ETF1: variants seen among roughly 807,000 people sequenced by gnomAD.
ETF1 encodes the protein eukaryotic translation termination factor 1.
ETF1 carries 4 observed loss-of-function variants against 55.1 expected under a neutral mutation model. The ratio of observed to expected loss-of-function variants is 0.07; its 90% CI spans 0.04 to 0.17. The LOEUF is 0.17. Ranked by LOEUF, ETF1 falls within the 10% of genes least tolerant of loss-of-function variation. The pLI is 1.00. For missense variants in ETF1, 142 were observed against 523.6 expected, an observed-to-expected ratio of 0.27 and a Z score of 7.11; for synonymous variants, 157 against 182.3, an observed-to-expected ratio of 0.86 and a Z score of 1.12.
intron 4 of ETF1, among the ~76,000 whole-genome samples, chr5:138,516,458 A>T (rs960736585): frequency 6.6e-5 from 10 of 152,140 alleles, no homozygotes; most frequent in Non-Finnish European, 1.2e-4. Context: ...CCAACATGGC[A>T]AAACTCTGTC....
chr5:138,540,365 C>T (rs1289064138), intron 2 of ETF1, among the ~76,000 whole-genome samples: 1 of 152,158 alleles, frequency 6.6e-6, no homozygotes, highest in Non-Finnish European at 1.5e-5. Context: ...TCAGCAAATA[C>T]AGATTCATTT....
chr5:138,522,669 C>T (rs967188275), intron 2 of ETF1, among the ~76,000 whole-genome samples: 2 of 151,986 alleles, frequency 1.3e-5, no homozygotes, highest in African/African-American at 4.8e-5. Flanking sequence ...CATTCATATG[C>T]TAAAAACTAT....
chr5:138,517,925 G>A (rs759037886), intron 3 of ETF1: 29 of 982,372 alleles, frequency 3.0e-5, no homozygotes, highest in Admixed American at 6.1e-5. Flanking sequence ...CAGGCTGGAC[G>A]TGGTGGTGGC....
intron 4 of ETF1, among the ~76,000 whole-genome samples, chr5:138,515,377 A>G (rs1764976208): frequency 6.6e-6 from 1 of 152,246 alleles, no homozygotes; most frequent in African/African-American, 2.4e-5. Flanking sequence ...AGGAGCCGAG[A>G]TCGTGCCATT....
At chr5:138,524,055 T>C (rs958167470) in intron 2 of ETF1, among the ~76,000 whole-genome samples, 3 of 152,026 alleles carry the variant, frequency 2.0e-5, no homozygotes, top group Non-Finnish European at 4.4e-5. Context: ...GCGTGGTGGC[T>C]CATGCCTGTA....
chr5:138,533,556 C>T (rs1414514392), intron 2 of ETF1, among the ~76,000 whole-genome samples: 8 of 152,016 alleles, frequency 5.3e-5, no homozygotes, highest in Non-Finnish European at 4.4e-5. Flanking sequence ...TGTGGTGGCA[C>T]GCACCTGTAG....
intron 7 of ETF1, 30 bp from the exon 8 acceptor site, chr5:138,511,230 A>T (rs1336190875): frequency 2.0e-5 from 32 of 1,606,552 alleles, no homozygotes; most frequent in Non-Finnish European, 2.6e-5. Context: ...AACAGGATAT[A>T]TATTAAAGTT....
chr5:138,524,851 C>T (rs1023501473), intron 2 of ETF1, among the ~76,000 whole-genome samples: 2 of 152,000 alleles, frequency 1.3e-5, no homozygotes, highest in African/African-American at 2.4e-5. Context: ...GCTGGGATTA[C>T]AGGCATGAGC....
intron 5 of ETF1, chr5:138,513,271 G>A (rs766146623): frequency 1.2e-5 from 11 of 911,232 alleles, no homozygotes; most frequent in Middle Eastern, 5.5e-4. Context: ...TCACTCTGTC[G>A]CCCAGACTGG....
At chr5:138,516,646 A>C (rs1360131846) in intron 4 of ETF1, among the ~76,000 whole-genome samples, 1 of 152,252 alleles carries the variant, frequency 6.6e-6, no homozygotes, top group African/African-American at 2.4e-5. Context: ...GTCTCAAAAC[A>C]TGCTGAATGA....
At chr5:138,527,974 G>A (rs546102249) in intron 2 of ETF1, among the ~76,000 whole-genome samples, 10 of 152,152 alleles carry the variant, frequency 6.6e-5, no homozygotes, top group African/African-American at 2.4e-4. Flanking sequence ...GTTTCTCTAT[G>A]TTGGTCAGGC....
intron 4 of ETF1, among the ~76,000 whole-genome samples, chr5:138,516,895 G>C (rs112567234): frequency 6.6e-6 from 1 of 152,112 alleles, no homozygotes; most frequent in Non-Finnish European, 1.5e-5. Flanking sequence ...CCACTCAAAT[G>C]TAAAACTGAT....
chr5:138,506,763 T>C lies in ETF1; in HGVS notation c.*1542A>G, dbSNP rs1431798565. 2 of 152,594 alleles carry C rather than the reference T, an allele frequency of 1.3e-5. No individual in the cohort carries two copies. Among genetic ancestry groups the C allele is most frequent in the Non-Finnish European group, 1.5e-5 (1 of 68,028 alleles). 9.5% of individuals were successfully genotyped at this position (152,594 alleles called of 1,614,324 possible). A position where few individuals can be genotyped will look rare whatever the true frequency, so the allele number is the denominator to read the frequency against. On this transcript the variant is annotated 3_prime_UTR_variant, in exon 11 of 11. Coordinates refer to ENST00000360541, the MANE Select transcript of ETF1 (RefSeq NM_004730.4). ...AAGTGAAACAGGATTATTGGAACGA[T>C]AGGCAGGTCTGTAACCTGGGAACAA...
intron 2 of ETF1, among the ~76,000 whole-genome samples, chr5:138,537,649 G>A (rs866375168): frequency 2.0e-5 from 3 of 151,904 alleles, no homozygotes; most frequent in Non-Finnish European, 4.4e-5. Context: ...GTGCAGTGGC[G>A]CAATCTCGGC....
At chr5:138,513,923 G>GTGAA (rs1764913832) in intron 4 of ETF1, 1 of 891,168 alleles carries the variant, frequency 1.1e-6, no homozygotes, top group African/African-American at 1.8e-5. Context: ...TGATATCTAT[G>GTGAA]TGAAGCTTTT....
chr5:138,527,422 T>C (rs1338592378), intron 2 of ETF1, among the ~76,000 whole-genome samples: 1 of 152,252 alleles, frequency 6.6e-6, no homozygotes, highest in Non-Finnish European at 1.5e-5. Context: ...AAATTTATGA[T>C]ACACTGCTTC....
At chr5:138,527,555 T>C (rs1432511576) in intron 2 of ETF1, among the ~76,000 whole-genome samples, 1 of 152,222 alleles carries the variant, frequency 6.6e-6, no homozygotes, top group Non-Finnish European at 1.5e-5. Flanking sequence ...AGATACTTGC[T>C]TTGGAAGAGA....
intron 2 of ETF1, among the ~76,000 whole-genome samples, chr5:138,533,126 G>C (rs907429989): frequency 6.6e-6 from 1 of 151,808 alleles, no homozygotes; most frequent in Non-Finnish European, 1.5e-5. Flanking sequence ...TTTTAGTACG[G>C]AAAGGGTTTC....
At chr5:138,534,925 G>A (rs200423544) in intron 2 of ETF1, among the ~76,000 whole-genome samples, 20 of 151,190 alleles carry the variant, frequency 1.3e-4, no homozygotes, top group South Asian at 2.1e-4. Context: ...ATAAGGGGGG[G>A]GGTCAAATGT....
Sources: allele counts gnomAD v4.1 joint callset (sites outside exome capture counted in the v4.1 genomes callset), GRCh38; gene constraint gnomAD v4.1.1; transcripts MANE v1.5; gene names NCBI Gene and HGNC (gene_info 2026-07-23, HGNC 2026-07-21).